CEMIP: variants seen among roughly 807,000 people sequenced by gnomAD.
CEMIP encodes cell migration-inducing and hyaluronan-binding protein.
CEMIP carries 105 observed loss-of-function variants against 156.9 expected under a neutral mutation model. That is an observed-to-expected ratio of 0.67 (90% CI 0.57 to 0.79). The LOEUF is 0.79. CEMIP is among the 30% of genes least tolerant of loss of function. The pLI, the probability that CEMIP is intolerant of heterozygous loss-of-function variation, is 0.00. For missense variants in CEMIP, 1,457 were observed against 1,769.4 expected (o/e 0.82, Z 3.17); for synonymous variants, 676 against 668.4 (o/e 1.01, Z -0.17).
At chr15:80,913,578 T>A (rs1157954363) in intron 14 of CEMIP, among the ~76,000 whole-genome samples, 1 of 116,978 alleles carries the variant, frequency 8.5e-6, no homozygotes, top group Non-Finnish European at 1.8e-5. Context: ...GAAGGGAGGA[T>A]GATGACAGAA....
chr15:80,942,873 G>A (rs1901394099), intron 27 of CEMIP, 72 bp from the exon 28 acceptor site: 1 of 1,586,798 alleles, frequency 6.3e-7, no homozygotes, highest in Non-Finnish European at 8.7e-7. Flanking sequence ...GGTCTGCTTG[G>A]GAACCACCTG....
intron 3 of CEMIP, among the ~76,000 whole-genome samples, chr15:80,876,514 T>C (rs1464685650): frequency 6.6e-6 from 1 of 152,246 alleles, no homozygotes. Flanking sequence ...CTCCAAAAAA[T>C]GTGAAATTCT....
rs558076774 is a variant in CEMIP, at chr15:80,929,835, G to A, written c.2612+661G>A. ...GAGGAGTCCTGGTTTCTGCGGCTGG[G>A]GGAGTTCAAATGAAGGTCAGACGAT... is the stretch of plus-strand genomic sequence containing the variant. On this transcript the variant is annotated intron_variant, in intron 21 of 29. Transcript: ENST00000394685. 4.6e-5 allele frequency among the ~76,000 whole-genome samples: 7 copies of A among 152,358 alleles called. 1 individual carries two copies. The South Asian group carries it at 1.5e-3, about 32-fold the overall frequency.
chr15:80,900,883 G>A (rs181411032), intron 12 of CEMIP: 12 of 452,670 alleles, frequency 2.7e-5, no homozygotes, highest in African/African-American at 4.0e-5. Flanking sequence ...CTGCAGACAC[G>A]GACACGATCT....
intron 10 of CEMIP, among the ~76,000 whole-genome samples, chr15:80,894,221 C>T (rs909701188): frequency 1.3e-5 from 2 of 152,138 alleles, no homozygotes; most frequent in African/African-American, 2.4e-5. Context: ...AGACATTAGG[C>T]GGCTTCCACC....
chr15:80,795,282 G>C (rs1896191509), intron 1 of CEMIP, among the ~76,000 whole-genome samples: 1 of 152,086 alleles, frequency 6.6e-6, no homozygotes. Flanking sequence ...GCTGCTCTCT[G>C]TCTGGGTAGG....
In CEMIP at chr15:80,947,049, G is replaced by A; in HGVS notation, c.3942G>A (p.Arg1314=). ...TGCTGGAAAAGCTTGGGGCAGACAG[G>A]GGTCTCAAGTTGAAAGGTAAGGGTT... ...TRVLEKLGAD[R]GLKLKEQMAF... is the part of the protein sequence containing the mutation. Residue 1314 remains arginine (R), a synonymous_variant, in exon 29 of 30, where the codon AGG becomes AGA. Transcript: ENST00000394685. 6.2e-7 allele frequency: 1 copy of A among 1,613,274 alleles called. No individual in the cohort carries two copies. The highest frequency in any genetic ancestry group is 8.5e-7 in the Non-Finnish European group (1 of 1,179,182).
In CEMIP at chr15:80,881,760, A is replaced by G. The variant is rs1445530517; in HGVS notation, c.617+624A>G. On this transcript the variant is annotated intron_variant, in intron 6 of 29. Transcript: ENST00000394685. ...TTTAAGAAGAGCATGATCTGATTTA[A>G]AAGTACCTTCTGGCTGTAGAGAATG... Among the ~76,000 whole-genome samples, 10 of 152,238 alleles carry G rather than the reference A, an allele frequency of 6.6e-5. 1 individual carries two copies. The highest frequency in any genetic ancestry group is 6.5e-4 in the Admixed American group (10 of 15,284).
intron 24 of CEMIP, 110 bp from the exon 25 acceptor site, chr15:80,937,684 T>C (rs1426521003): frequency 1.3e-5 from 12 of 949,804 alleles, no homozygotes; most frequent in Admixed American, 5.4e-5. Context: ...CATACAAAAG[T>C]GGAGGTGTCA....
chr15:80,839,289 AGTGTGTGTGTGT>A (rs34172431), intron 1 of CEMIP, among the ~76,000 whole-genome samples: 17 of 131,188 alleles, frequency 1.3e-4, no homozygotes, highest in South Asian at 7.9e-4. Flanking sequence ...CAAGGCCGTG[AGTGTGTGTGTGT>A]GTGTGTGTGT....
intron 1 of CEMIP, among the ~76,000 whole-genome samples, chr15:80,861,404 C>G (rs1897984274): frequency 1.3e-5 from 2 of 152,188 alleles, no homozygotes; most frequent in African/African-American, 4.8e-5. Context: ...TGAATGAACC[C>G]TGCACTACGC....
At chr15:80,945,164 C>T (rs1901496553) in intron 28 of CEMIP, among the ~76,000 whole-genome samples, 1 of 152,216 alleles carries the variant, frequency 6.6e-6, no homozygotes, top group Non-Finnish European at 1.5e-5. Flanking sequence ...TGGGAGCTGC[C>T]TCTGCACTGC....
At chr15:80,937,575 C>G (rs535533021) in intron 24 of CEMIP, among the ~76,000 whole-genome samples, 1 of 152,338 alleles carries the variant, frequency 6.6e-6, no homozygotes. Flanking sequence ...ACCAGTGAAG[C>G]ATTCAGGCTC....
chr15:80,862,299 T>C (rs927537624), intron 1 of CEMIP, among the ~76,000 whole-genome samples: 21 of 152,182 alleles, frequency 1.4e-4, no homozygotes, highest in Non-Finnish European at 2.5e-4. Context: ...TTAAAGACCA[T>C]TGGTGGACTG....
At chr15:80,844,263 G>A (rs1344981887) in intron 1 of CEMIP, among the ~76,000 whole-genome samples, 4 of 152,322 alleles carry the variant, frequency 2.6e-5, no homozygotes, top group South Asian at 2.1e-4. Context: ...GGGATGAGCT[G>A]CAGCTGCCTC....
intron 1 of CEMIP, among the ~76,000 whole-genome samples, chr15:80,812,971 G>A (rs1896705093): frequency 6.6e-6 from 1 of 152,220 alleles, no homozygotes; most frequent in East Asian, 1.9e-4. Context: ...CACCAGCATC[G>A]TGCTGAAATT....
In CEMIP at chr15:80,895,034, C is replaced by T. The variant is rs917667099; in HGVS notation, c.1131C>T (p.Tyr377=). 9.3e-6 allele frequency: 15 copies of T among 1,613,998 alleles called. No individual in the cohort carries two copies. In the African/African-American group the frequency reaches 1.3e-4, roughly 14 times the overall value. The stretch of plus-strand genomic sequence containing the variant: ...TTAACCTCAGCACCGAGGTTGTCTA[C>T]AAAAAAGGCCAGGATTATAGGTTTG... The part of the protein sequence containing the change: ...DGVNLSTEVV[Y]KKGQDYRFAC... Residue 377 remains tyrosine (Y), a synonymous_variant, in exon 11 of 30, where the codon TAC becomes TAT. Coordinates refer to ENST00000394685, the MANE Select transcript of CEMIP (RefSeq NM_001293298.2).
At chr15:80,885,524 T>A (rs1228164989) in intron 7 of CEMIP, among the ~76,000 whole-genome samples, 1 of 152,230 alleles carries the variant, frequency 6.6e-6, no homozygotes, top group Non-Finnish European at 1.5e-5. Context: ...TTTATTAATT[T>A]ACAGTGAGAG....
intron 1 of CEMIP, among the ~76,000 whole-genome samples, chr15:80,812,546 T>C (rs1248495080): frequency 6.6e-6 from 1 of 152,148 alleles, no homozygotes; most frequent in African/African-American, 2.4e-5. Flanking sequence ...ATTGTGAGGA[T>C]TTTTGTCAAG....
Sources: allele counts gnomAD v4.1 joint callset (sites outside exome capture counted in the v4.1 genomes callset), GRCh38; gene constraint gnomAD v4.1.1; transcripts MANE v1.5; gene names NCBI Gene and HGNC (gene_info 2026-07-23, HGNC 2026-07-21).